Variants in C8orf34 observed in about 807,000 individuals in gnomAD.
C8orf34 encodes the protein uncharacterized protein C8orf34.
In C8orf34, 65 loss-of-function variants were observed where a neutral mutation model predicts 68.3. The observed-to-expected ratio is 0.95, with a 90% CI of 0.78 to 1.17. The LOEUF (loss-of-function observed/expected upper bound fraction) is 1.17, where lower values mean the gene tolerates loss of function less well. Among genes scored for constraint, C8orf34 ranks in the 50% most tolerant of loss-of-function variants. The probability of loss-of-function intolerance (pLI) is 0.00; values close to 1 mark genes in which losing one functional copy is unlikely to be tolerated. For missense variants in C8orf34, 664 were observed against 655.4 expected (o/e 1.01, Z -0.14); for synonymous variants, 244 against 241.2 (o/e 1.01, Z -0.11).
rs138326548 is a variant in C8orf34 at position 68,720,085 on chromosome 8, T to G, written c.1328-1276T>G. 5.6e-4 allele frequency among the ~76,000 whole-genome samples: 85 copies of G among 152,102 alleles called. 2 individuals are homozygous for G. The East Asian group carries it at 0.014, about 25-fold the overall frequency. On this transcript the variant is annotated intron_variant, in intron 9 of 13. Coordinates refer to ENST00000518698, the MANE Select transcript of C8orf34 (RefSeq NM_052958.4). ...TGCATTTGGTATAATTCTCCTGATT[T>G]TATCCACTAAAACTTGCTTATTTTT...
intron 7 of C8orf34, among the ~76,000 whole-genome samples, chr8:68,607,015 T>A (rs1041840657): frequency 2.6e-5 from 4 of 152,028 alleles, no homozygotes; most frequent in Non-Finnish European, 4.4e-5. Context: ...ATACTACATA[T>A]CTCCAGATGT....
Position 68,482,277 on chromosome 8 carries a change from G to T in C8orf34, c.737-5746G>T, listed in dbSNP as rs887956359. Among the ~76,000 whole-genome samples the T allele has an allele frequency of 3.9e-5, 6 of 152,222 alleles. No homozygotes were observed. In the East Asian group the frequency reaches 7.7e-4, roughly 20 times the overall value. On this transcript the variant is annotated intron_variant, in intron 4 of 13. Transcript: ENST00000518698. ...CCTCCCCACGTGTGTGGAACTGTAA[G>T]TCCAATTAAACCTCTTTTTGTTCCC...
At chr8:68,731,491 G>A (rs958546857) in intron 10 of C8orf34, among the ~76,000 whole-genome samples, 5 of 151,842 alleles carry the variant, frequency 3.3e-5, no homozygotes, top group African/African-American at 4.8e-5. Context: ...AGGTTATATC[G>A]AATGAAAATT....
chr8:68,646,695 T>A (rs1467894608), intron 8 of C8orf34, among the ~76,000 whole-genome samples: 1 of 152,174 alleles, frequency 6.6e-6, no homozygotes, highest in Non-Finnish European at 1.5e-5. Context: ...TTTTTTAGAT[T>A]TCAAATATAG....
Position 68,728,845 on chromosome 8 carries a change from G to C in C8orf34, c.1404+7408G>C, listed in dbSNP as rs181859680. ...TAGTATATGCAACATTCTGTTTATTGTTGCTGTAGGAACAAATGAATGGCT... is the reference window on the plus strand; with the variant it reads ...TAGTATATGCAACATTCTGTTTATTCTTGCTGTAGGAACAAATGAATGGCT... On this transcript the variant is annotated intron_variant, in intron 10 of 13. Transcript: ENST00000518698. Among the ~76,000 whole-genome samples the C allele has an allele frequency of 1.6e-3, 251 of 152,292 alleles. 5 individuals are homozygous for C. Among genetic ancestry groups the C allele is most frequent in the Admixed American group, 0.013 (194 of 15,286 alleles).
Position 68,776,406 on chromosome 8 carries a change from C to A in C8orf34, c.1412C>A (p.Ala471Asp). ...CTTCCTCTTTACTTCTAGGGAGAAGCCTCCAGTGGAGTAGGACACTCACTG... is the reference window on the plus strand; with the variant it reads ...CTTCCTCTTTACTTCTAGGGAGAAGACTCCAGTGGAGTAGGACACTCACTG... ...KASKLTGPGE[A>D]SSGVGHSLKN... Residue 471 changes from alanine to aspartate, a missense_variant, in exon 11 of 14, where the codon GCC becomes GAC. Physicochemically the swap from Ala to Asp is moderately radical, Grantham distance 126 (BLOSUM62 -2). Transcript: ENST00000518698. 1 of 1,612,596 alleles carries A rather than the reference C, an allele frequency of 6.2e-7. No homozygotes were observed. The highest frequency in any genetic ancestry group is 1.1e-5 in the South Asian group (1 of 90,994).
intron 9 of C8orf34, among the ~76,000 whole-genome samples, chr8:68,712,340 C>T (rs867589494): frequency 6.6e-6 from 1 of 152,116 alleles, no homozygotes; most frequent in African/African-American, 2.4e-5. Context: ...CCTCACATCT[C>T]TATACTAACA....
chr8:68,640,291 A>T, intron 7 of C8orf34, 85 bp from the exon 8 acceptor site: 1 of 1,277,500 alleles, frequency 7.8e-7, no homozygotes, highest in South Asian at 1.4e-5. Context: ...TAACAAACTA[A>T]TGGCAGATAC....
intron 10 of C8orf34, among the ~76,000 whole-genome samples, chr8:68,730,155 G>T (rs1307837675): frequency 6.6e-6 from 1 of 152,094 alleles, no homozygotes; most frequent in Non-Finnish European, 1.5e-5. Context: ...AAATGAAAAA[G>T]AAATGAATGT....
At chr8:68,766,639 G>C (rs574799950) in intron 10 of C8orf34, among the ~76,000 whole-genome samples, 1 of 152,296 alleles carries the variant, frequency 6.6e-6, no homozygotes, top group African/African-American at 2.4e-5. Context: ...TTGGATCAAA[G>C]GGAATAGGCA....
chr8:68,330,861 C>T (rs950446268), upstream of C8orf34: 3 of 615,172 alleles, frequency 4.9e-6, no homozygotes, highest in Admixed American at 4.2e-5. Context: ...CCCCTGTCCG[C>T]CCGCGTGCGC....
chr8:68,713,902 A>T, intron 9 of C8orf34, among the ~76,000 whole-genome samples: 1 of 152,198 alleles, frequency 6.6e-6, no homozygotes, highest in Non-Finnish European at 1.5e-5. Context: ...ACAAAATACT[A>T]GTAAACCAAA....
At chr8:68,518,630 G>A (rs1814616725) in intron 5 of C8orf34, among the ~76,000 whole-genome samples, 1 of 152,142 alleles carries the variant, frequency 6.6e-6, no homozygotes, top group South Asian at 2.1e-4. Flanking sequence ...GGGTGCGGTG[G>A]TTCATGAATG....
At position 68,818,055 on chromosome 8, in the gene C8orf34, G is replaced by A. The variant is rs142308664; in HGVS notation, c.1610-184G>A. On this transcript the variant is annotated intron_variant, in intron 13 of 13. Coordinates refer to ENST00000518698, the MANE Select transcript of C8orf34 (RefSeq NM_052958.4). Reference sequence around the variant, plus strand: ...TCTAATGTGATTAGAATTTTACACAGATATCAGAAATTGATATATTGGCTG... The same window carrying A: ...TCTAATGTGATTAGAATTTTACACAAATATCAGAAATTGATATATTGGCTG... Among the ~76,000 whole-genome samples the A allele has an allele frequency of 2.1e-4, 32 of 152,260 alleles. 1 individual carries two copies. In the South Asian group the frequency reaches 4.8e-3, roughly 23 times the overall value.
chr8:68,445,915 G>A (rs745605661), intron 2 of C8orf34, among the ~76,000 whole-genome samples: 1 of 152,022 alleles, frequency 6.6e-6, no homozygotes, highest in Non-Finnish European at 1.5e-5. Context: ...TCAGCCTCCT[G>A]AGTAGCTGTA....
intron 7 of C8orf34, among the ~76,000 whole-genome samples, chr8:68,573,988 A>T (rs1816828991): frequency 6.6e-6 from 1 of 152,144 alleles, no homozygotes; most frequent in Non-Finnish European, 1.5e-5. Context: ...GATGATCAAA[A>T]GTTTTGCGAA....
intron 8 of C8orf34, among the ~76,000 whole-genome samples, chr8:68,693,940 AG>A (rs1003988625): frequency 3.3e-5 from 5 of 152,074 alleles, no homozygotes; most frequent in African/African-American, 1.2e-4. Context: ...TACCACAAAA[AG>A]GGTGGAGGAA....
intron 7 of C8orf34, among the ~76,000 whole-genome samples, chr8:68,615,604 G>A (rs558423829): frequency 1.7e-3 from 266 of 152,248 alleles, no homozygotes; most frequent in Non-Finnish European, 1.4e-3. Flanking sequence ...ATTGATTTGC[G>A]TATATTGAAC....
intron 10 of C8orf34, among the ~76,000 whole-genome samples, chr8:68,741,027 G>A (rs541255156): frequency 6.6e-6 from 1 of 152,040 alleles, no homozygotes; most frequent in African/African-American, 2.4e-5. Context: ...GGAGCTAAAT[G>A]ATGAGAAGAC....
Sources: gnomAD v4.1 joint callset for allele counts (sites outside exome capture counted in the v4.1 genomes callset) on GRCh38, gnomAD v4.1.1 for gene constraint, MANE v1.5 for transcripts, NCBI Gene and HGNC (gene_info 2026-07-23, HGNC 2026-07-21) for gene names.